NPEPL1: variants seen among roughly 807,000 people sequenced by gnomAD.
NPEPL1 encodes the protein aminopeptidase like 1.
In NPEPL1, 45 loss-of-function variants were observed where a neutral mutation model predicts 52.4. The observed-to-expected ratio is 0.86, with a 90% CI of 0.68 to 1.10. NPEPL1 has a LOEUF of 1.10. NPEPL1 is among the 50% of genes least tolerant of loss of function. The pLI is 0.00. For missense variants in NPEPL1, 696 were observed against 710.9 expected, an observed-to-expected ratio of 0.98 and a Z score of 0.24; for synonymous variants, 360 against 314.7, an observed-to-expected ratio of 1.14 and a Z score of -1.52.
At chr20:58,697,247 G>A (rs771727631) in intron 3 of NPEPL1, among the ~76,000 whole-genome samples, 4 of 152,226 alleles carry the variant, frequency 2.6e-5, no homozygotes, top group Non-Finnish European at 5.9e-5. Flanking sequence ...GAGGGCACCC[G>A]CAGCCCTGCC....
At chr20:58,715,081 G>A (rs918071468) in intron 11 of NPEPL1, 87 bp from the exon 12 acceptor site, 4 of 1,431,662 alleles carry the variant, frequency 2.8e-6, no homozygotes, top group East Asian at 2.5e-5. Context: ...GGCACGTGGA[G>A]GGGACCCAGG....
rs1351548503 is a variant in NPEPL1, at chr20:58,712,509, T to C, written c.931T>C (p.Cys311Arg). The C allele has an allele frequency of 6.2e-7, 1 of 1,613,556 alleles. No homozygotes were observed. Among genetic ancestry groups the C allele is most frequent in the Non-Finnish European group, 8.5e-7 (1 of 1,179,812 alleles). ...CAAAGACAACCTCCACGCTGTGTTC[T>C]GCTTGGCTGAGAACTCGGTGGGGCC... ...GFKDNLHAVF[C>R]LAENSVGPNA... Residue 311 changes from cysteine (C) to arginine (R), a missense_variant, in exon 8 of 12, where the codon TGC (cysteine) becomes CGC (arginine). Transcript: ENST00000356091.
upstream of NPEPL1, chr20:58,691,950 C>G: frequency 4.1e-6 from 3 of 728,506 alleles, no homozygotes; most frequent in Non-Finnish European, 7.3e-6. Context: ...CCACTCAAGG[C>G]TCACCCCTGG....
chr20:58,695,114 TTTGC>T (rs796901074), intron 3 of NPEPL1, among the ~76,000 whole-genome samples: 2 of 5,486 alleles, frequency 3.6e-4, no homozygotes, highest in Non-Finnish European at 8.2e-4. Flanking sequence ...TGTGTGTGTG[TTTGC>T]TGGTGTGTGC....
chr20:58,699,753 AC>A (rs1225769473), intron 5 of NPEPL1, among the ~76,000 whole-genome samples: 6 of 152,090 alleles, frequency 3.9e-5, no homozygotes. Flanking sequence ...CCCCAGACCC[AC>A]CTTTCCCCAC....
intron 3 of NPEPL1, 129 bp from the exon 4 acceptor site, chr20:58,698,554 CT>C: frequency 1.3e-6 from 1 of 775,674 alleles, no homozygotes; most frequent in Non-Finnish European, 2.2e-6. Context: ...CCCCTCTCCC[CT>C]CTCTTTGCTG....
At position 58,694,402 on chromosome 20, in the gene NPEPL1, C is replaced by T. The variant is rs369632127; in HGVS notation, c.337-20C>T. 44 of 1,589,804 alleles carry T rather than the reference C, an allele frequency of 2.8e-5. No homozygotes were observed. The highest frequency in any genetic ancestry group is 4.0e-5 in the African/African-American group (3 of 74,362). ...GTGGCGGCCCTTGCACCCCTCACGC[C>T]GTCTCCCTATGTGCCACAGATGGTC... On this transcript the variant is annotated intron_variant, in intron 2 of 11. Transcript: ENST00000356091.
chr20:58,690,609 G>A (rs1315523577), upstream of NPEPL1, among the ~76,000 whole-genome samples: 2 of 152,160 alleles, frequency 1.3e-5, no homozygotes, highest in South Asian at 2.1e-4. Flanking sequence ...TTCAATTCGG[G>A]GGTGGCTTAA....
intron 3 of NPEPL1, among the ~76,000 whole-genome samples, chr20:58,695,071 G>A (rs1425307196): frequency 8.0e-6 from 1 of 125,292 alleles, no homozygotes. Context: ...TGCATGAGTG[G>A]TGTGTGTGGT....
chr20:58,698,864 C>T (rs2084549279), intron 4 of NPEPL1, 91 bp downstream of exon 4: 4 of 1,104,048 alleles, frequency 3.6e-6, no homozygotes, highest in Admixed American at 2.1e-5. Flanking sequence ...GGGCTGTCCA[C>T]ACCCTGACGT....
rs1444963585 is a variant in NPEPL1 at position 58,707,203 on chromosome 20, G to A, written c.900+3G>A. ...CCTTCAGAGCCGCAATCAAGCAGGT[G>A]AGTGGGCCCTGCCCGCCCTCTGCAG... On this transcript the variant is annotated splice_donor_region_variant and intron_variant, in intron 7 of 11. Coordinates refer to ENST00000356091, the MANE Select transcript of NPEPL1 (RefSeq NM_024663.4). 1.2e-5 allele frequency: 19 copies of A among 1,549,274 alleles called. No individual in the cohort carries two copies. The highest frequency in any genetic ancestry group is 1.6e-5 in the Non-Finnish European group (18 of 1,146,482).
rs377697595 is a variant in NPEPL1 at position 58,713,408 on chromosome 20, A to C, written c.1002-12A>C. 5.9e-5 allele frequency: 94 copies of C among 1,592,462 alleles called. No individual in the cohort carries two copies. Among genetic ancestry groups the C allele is most frequent in the East Asian group, 3.4e-4 (15 of 44,052 alleles). ...ATCCCGTCCCTGAGCGGGGATCTCT[A>C]CCATGCCCCAGGACGGTGGAAATCA... On this transcript the variant is annotated splice_polypyrimidine_tract_variant and intron_variant, in intron 8 of 11. Coordinates refer to ENST00000356091, the MANE Select transcript of NPEPL1 (RefSeq NM_024663.4). The surrounding 1 kb of genome is among the most constrained non-coding windows in gnomAD (Gnocchi z 4.6).
At position 58,698,711 on chromosome 20, in the gene NPEPL1, C is replaced by G. The variant is rs771449912; in HGVS notation, c.535C>G (p.Arg179Gly). ...QCLANATDGV[R>G]LAARIVDTPC... ...CTTAGCGAATGCCACAGACGGCGTG[C>G]GGCTAGCAGCCCGCATCGTGGACAC... Residue 179 changes from arginine (R) to glycine (G), a missense_variant, in exon 4 of 12, where the codon CGG becomes GGG. Physicochemically the swap from Arg to Gly is moderately radical, Grantham distance 125. Coordinates refer to ENST00000356091, the MANE Select transcript of NPEPL1 (RefSeq NM_024663.4). 6.2e-7 allele frequency: 1 copy of G among 1,612,742 alleles called. No homozygotes were observed. Among genetic ancestry groups the G allele is most frequent in the Non-Finnish European group, 8.5e-7 (1 of 1,179,794 alleles).
At chr20:58,708,368 CACGGA>C (rs2084775452) in intron 7 of NPEPL1, among the ~76,000 whole-genome samples, 1 of 152,210 alleles carries the variant, frequency 6.6e-6, no homozygotes, top group African/African-American at 2.4e-5. Context: ...CCGGTGGGGA[CACGGA>C]GGTGCGGGGC....
rs2084672861 is a variant in NPEPL1 at position 58,703,391 on chromosome 20, G to C, written c.822+2233G>C. On this transcript the variant is annotated intron_variant, in intron 6 of 11. Coordinates refer to ENST00000356091, the MANE Select transcript of NPEPL1 (RefSeq NM_024663.4). ...GTGGTAATAAGCAAACTGACTTCTA[G>C]TCGGTTATGATTCCTAAATTCGCCA... The C allele has an allele frequency of 5.8e-6, 5 of 869,480 alleles. No individual in the cohort carries two copies. In the South Asian group the frequency reaches 2.6e-4, roughly 46 times the overall value. The allele number at this position is 869,480 out of a possible 1,614,324, so 53.9% of individuals were successfully genotyped here. A position where few individuals can be genotyped will look rare whatever the true frequency, so the allele number is the denominator to read the frequency against.
chr20:58,711,042 T>C (rs1455020743), intron 7 of NPEPL1: 1 of 142,090 alleles, frequency 7.0e-6, no homozygotes, highest in Non-Finnish European at 1.5e-5. Context: ...AAAGCATCCA[T>C]TTGGGAATCC....
chr20:58,694,950 CTGTGCGTG>C (rs1372228249), intron 3 of NPEPL1, among the ~76,000 whole-genome samples: 3 of 89,030 alleles, frequency 3.4e-5, no homozygotes, highest in Non-Finnish European at 4.8e-5. Flanking sequence ...ATGTGTGTTG[CTGTGCGTG>C]TATGAGTGTA....
chr20:58,693,121 C>T (rs1391779373), intron 1 of NPEPL1, 71 bp downstream of exon 1: 2 of 949,532 alleles, frequency 2.1e-6, no homozygotes, highest in Non-Finnish European at 2.5e-6. Context: ...GCGGAGGCCC[C>T]GCCTCGCCCG....
chr20:58,707,195 A>G lies in NPEPL1; in HGVS notation c.895A>G (p.Lys299Glu), dbSNP rs777759745. ...CCTGGGGGCCTTCAGAGCCGCAATC[A>G]AGCAGGTGAGTGGGCCCTGCCCGCC... is the stretch of plus-strand genomic sequence containing the variant. ...AVLGAFRAAI[K>E]QGFKDNLHAV... The change falls in exon 7 of 12, where the codon AAG becomes GAG. Residue 299 changes from lysine (K) to glutamate (E), a missense_variant. Lys to Glu is a moderately conservative substitution (Grantham distance 56, BLOSUM62 1). Coordinates refer to ENST00000356091, the MANE Select transcript of NPEPL1 (RefSeq NM_024663.4). The G allele has an allele frequency of 4.3e-5, 67 of 1,550,348 alleles. 1 individual carries two copies. In the South Asian group the frequency reaches 6.8e-4, roughly 16 times the overall value.
Sources: allele counts gnomAD v4.1 joint callset (sites outside exome capture counted in the v4.1 genomes callset), GRCh38; gene constraint gnomAD v4.1.1; non-coding constraint Gnocchi (gnomAD v3.1); transcripts MANE v1.5; gene names NCBI Gene and HGNC (gene_info 2026-07-23, HGNC 2026-07-21).